KLHL29: variants seen among roughly 807,000 people sequenced by gnomAD.
KLHL29 encodes kelch like family member 29, also known as kelch-like protein 29.
Under a neutral mutation model 80.4 loss-of-function variants are expected in KLHL29, and 21 were observed. That is an observed-to-expected ratio of 0.26 (90% CI 0.19 to 0.38). The LOEUF (loss-of-function observed/expected upper bound fraction) is 0.38, where lower values mean the gene tolerates loss of function less well. Among genes scored for constraint, KLHL29 ranks in the 10% least tolerant of loss-of-function variants. The probability of loss-of-function intolerance (pLI) is 1.00; values close to 1 mark genes in which losing one functional copy is unlikely to be tolerated. For missense variants in KLHL29, 867 were observed against 1,223.9 expected (o/e 0.71, Z 4.35); for synonymous variants, 511 against 526.8 (o/e 0.97, Z 0.41).
chr2:23,586,904 A>C (rs918544338), intron 3 of KLHL29, among the ~76,000 whole-genome samples: 1 of 152,172 alleles, frequency 6.6e-6, no homozygotes, highest in African/African-American at 2.4e-5. Context: ...CTCCTAAAAC[A>C]GCAGGGAGTA....
Position 23,562,410 on chromosome 2 carries a change from C to T in KLHL29, c.214C>T (p.Pro72Ser). The change falls in exon 3 of 14, where the codon CCC (proline) becomes TCC (serine). Residue 72 changes from proline to serine, a missense_variant. This residue lies in a region of KLHL29 where 424 missense variants were observed against 456.9 expected (regional missense o/e 0.93). Coordinates refer to ENST00000486442, the MANE Select transcript of KLHL29 (RefSeq NM_052920.2). This position sits in a 1 kb window ranked among gnomAD's most constrained non-coding sequence, Gnocchi z 4.5. Reference protein sequence around the residue: ...RLPTPATAPAPCTTGSSEAIT... With the variant: ...RLPTPATAPASCTTGSSEAIT... The stretch of plus-strand genomic sequence containing the variant: ...GCCCACCCCGGCTACAGCTCCTGCT[C>T]CCTGCACCACCGGCAGCAGCGAGGC... The T allele has an allele frequency of 1.3e-6, 2 of 1,538,236 alleles. No individual in the cohort carries two copies. Among genetic ancestry groups the T allele is most frequent in the Non-Finnish European group, 1.7e-6 (2 of 1,146,714 alleles).
At chr2:23,461,244 G>T (rs1468161516) in intron 1 of KLHL29, among the ~76,000 whole-genome samples, 3 of 152,204 alleles carry the variant, frequency 2.0e-5, no homozygotes, top group Admixed American at 2.0e-4. Flanking sequence ...TAGCTTGCTT[G>T]ACATTACGTG....
Position 23,403,734 on chromosome 2 carries a change from T to A in KLHL29, c.-154+17954T>A, listed in dbSNP as rs990633083. Among the ~76,000 whole-genome samples the A allele has an allele frequency of 2.3e-3, 346 of 149,904 alleles. 1 individual carries two copies. Among genetic ancestry groups the A allele is most frequent in the African/African-American group, 6.5e-3 (261 of 40,026 alleles). On this transcript the variant is annotated intron_variant, in intron 1 of 13. Coordinates refer to ENST00000486442, the MANE Select transcript of KLHL29 (RefSeq NM_052920.2). ...CAAAGAGAGAGAGAGAGAGTGTGTG[T>A]GTGTGTGTGTGTGTGTGTGTGTGTG...
At chr2:23,485,944 C>T (rs1318127998) in intron 2 of KLHL29, among the ~76,000 whole-genome samples, 1 of 152,220 alleles carries the variant, frequency 6.6e-6, no homozygotes, top group Non-Finnish European at 1.5e-5. Context: ...AGACTAGGAC[C>T]TGGCTGAGTC....
chr2:23,433,395 C>A (rs554944156), intron 1 of KLHL29, among the ~76,000 whole-genome samples: 1 of 152,228 alleles, frequency 6.6e-6, no homozygotes, highest in African/African-American at 2.4e-5. Context: ...CACCATCATC[C>A]CCATGAGGGA....
chr2:23,520,812 A>C (rs984631735), intron 2 of KLHL29, among the ~76,000 whole-genome samples: 2 of 152,244 alleles, frequency 1.3e-5, no homozygotes, highest in African/African-American at 4.8e-5. Flanking sequence ...AAGGAACCAC[A>C]GTCATCGTAA....
chr2:23,690,256 A>G (rs1572504555), intron 6 of KLHL29: 1 of 152,232 alleles, frequency 6.6e-6, no homozygotes, highest in South Asian at 2.1e-4. Context: ...CTCTGTCACA[A>G]AATCTCCAAG....
At chr2:23,393,137 C>T (rs761693686) in intron 1 of KLHL29, among the ~76,000 whole-genome samples, 11 of 151,774 alleles carry the variant, frequency 7.2e-5, no homozygotes, top group Non-Finnish European at 1.6e-4. Flanking sequence ...GTTTGCATAC[C>T]GATGCATAGC....
chr2:23,516,820 C>T (rs552394230), intron 2 of KLHL29, among the ~76,000 whole-genome samples: 69 of 152,368 alleles, frequency 4.5e-4, no homozygotes, highest in African/African-American at 1.6e-3. Context: ...TCTCAGCTTA[C>T]AAAGCCTCAC....
At chr2:23,471,734 G>T (rs534814957) in intron 1 of KLHL29, among the ~76,000 whole-genome samples, 1 of 152,238 alleles carries the variant, frequency 6.6e-6, no homozygotes, top group East Asian at 1.9e-4. Context: ...AGGTCAATTT[G>T]GCCAAAAGTG....
intron 1 of KLHL29, among the ~76,000 whole-genome samples, chr2:23,462,383 G>T (rs7599160): frequency 0.11 from 17,327 of 152,084 alleles, 2,017 homozygotes; most frequent in East Asian, 0.3. Context: ...CTTTGAGGCT[G>T]GTCTATCACC....
chr2:23,566,887 G>C (rs1324057016), intron 3 of KLHL29, among the ~76,000 whole-genome samples: 1 of 152,240 alleles, frequency 6.6e-6, no homozygotes, highest in Non-Finnish European at 1.5e-5. Context: ...GGTCTACCCA[G>C]TTATTCATAC....
intron 1 of KLHL29, among the ~76,000 whole-genome samples, chr2:23,403,128 T>G (rs1192620113): frequency 6.6e-6 from 1 of 152,074 alleles, no homozygotes; most frequent in Non-Finnish European, 1.5e-5. Context: ...CATTTTCTGG[T>G]TTTTAAAATA....
rs573469999 is a variant in KLHL29, at chr2:23,606,519, G to A, written c.286-32620G>A. ...ATCTTAGGAATCTGCCCAAAATTCC[G>A]TGTTCATCCTGACCGATTTAACAAT... On this transcript the variant is annotated intron_variant, in intron 3 of 13. Coordinates refer to ENST00000486442, the MANE Select transcript of KLHL29 (RefSeq NM_052920.2). 3.7e-3 allele frequency among the ~76,000 whole-genome samples: 565 copies of A among 152,290 alleles called. 4 individuals carry two copies. The highest frequency in any genetic ancestry group is 6.9e-3 in the Non-Finnish European group (466 of 68,024).
chr2:23,391,473 G>C (rs1185151000), intron 1 of KLHL29, among the ~76,000 whole-genome samples: 2 of 152,150 alleles, frequency 1.3e-5, no homozygotes, highest in African/African-American at 4.8e-5. Context: ...TGTTGCCCAG[G>C]CTGGAGTGCA....
chr2:23,465,951 C>A lies in KLHL29; in HGVS notation c.-153-9609C>A, dbSNP rs112941388. On this transcript the variant is annotated intron_variant, in intron 1 of 13. Transcript: ENST00000486442. ...GATGGGGCAGGTGCCAATCCCGCCA[C>A]CTTCCCGCTGACTTTCATGTGTGTC... Among the ~76,000 whole-genome samples the A allele has an allele frequency of 2.4e-3, 363 of 152,100 alleles. 4 individuals carry two copies. Among genetic ancestry groups the A allele is most frequent in the African/African-American group, 4.1e-3 (172 of 41,492 alleles).
At chr2:23,480,800 A>G (rs1664779148) in intron 2 of KLHL29, among the ~76,000 whole-genome samples, 1 of 152,164 alleles carries the variant, frequency 6.6e-6, no homozygotes, top group Non-Finnish European at 1.5e-5. Flanking sequence ...GCGCCACCCC[A>G]CATGAACTCT....
chr2:23,641,858 C>T (rs763325369), intron 4 of KLHL29, among the ~76,000 whole-genome samples: 12 of 152,184 alleles, frequency 7.9e-5, no homozygotes, highest in Non-Finnish European at 1.5e-4. Context: ...GTGGTGCACA[C>T]CTGTAATCCC....
At chr2:23,518,088 ATAAT>A (rs748771127) in intron 2 of KLHL29, among the ~76,000 whole-genome samples, 17 of 152,164 alleles carry the variant, frequency 1.1e-4, no homozygotes, top group Non-Finnish European at 1.8e-4. Flanking sequence ...CATAGAAGTA[ATAAT>A]TAGAGTAACC....
Sources: allele counts gnomAD v4.1 joint callset (sites outside exome capture counted in the v4.1 genomes callset), GRCh38; gene constraint gnomAD v4.1.1; regional missense constraint gnomAD v4.1.1; non-coding constraint Gnocchi (gnomAD v3.1); transcripts MANE v1.5; gene names NCBI Gene and HGNC (gene_info 2026-07-23, HGNC 2026-07-21).